Variants in FAM178B observed in about 807,000 individuals in gnomAD.
The protein encoded by FAM178B is protein FAM178B.
FAM178B carries 82 observed loss-of-function variants against 91.7 expected under a neutral mutation model. The observed-to-expected ratio is 0.89, with a 90% CI of 0.75 to 1.07. The LOEUF (loss-of-function observed/expected upper bound fraction) is 1.07, where lower values mean the gene tolerates loss of function less well. Ranked by LOEUF, FAM178B falls within the 50% of genes least tolerant of loss-of-function variation. FAM178B has a pLI of 0.00. For missense variants in FAM178B, 769 were observed against 846.7 expected, an observed-to-expected ratio of 0.91 and a Z score of 1.14; for synonymous variants, 368 against 359.4, an observed-to-expected ratio of 1.02 and a Z score of -0.27.
intron 13 of FAM178B, among the ~76,000 whole-genome samples, chr2:96,902,109 AT>A (rs373394292): frequency 0.16 from 21,855 of 138,240 alleles, 5,354 homozygotes; most frequent in African/African-American, 0.53. Context: ...TTTTACTACA[AT>A]TTTTTTTTTT....
chr2:96,898,170 C>T, intron 13 of FAM178B: 1 of 964,982 alleles, frequency 1.0e-6, no homozygotes, highest in Non-Finnish European at 1.2e-6. Context: ...AGGATTTCTC[C>T]AGCACTTGTG....
At chr2:96,955,205 AAT>A (rs2081981652) in intron 6 of FAM178B, among the ~76,000 whole-genome samples, 1 of 152,188 alleles carries the variant, frequency 6.6e-6, no homozygotes, top group Middle Eastern at 3.2e-3. Flanking sequence ...GTCTCTACTA[AAT>A]ATACAAAAAT....
intron 8 of FAM178B, 84 bp from the exon 9 acceptor site, chr2:96,929,404 C>A (rs2153371611): frequency 1.0e-6 from 1 of 986,332 alleles, no homozygotes; most frequent in Admixed American, 2.5e-5. Context: ...CTGGCCGTGA[C>A]CCCTGGCCCA....
chr2:96,951,324 C>T (rs919424634), intron 7 of FAM178B, 55 bp downstream of exon 7: 23 of 1,324,938 alleles, frequency 1.7e-5, no homozygotes, highest in East Asian at 1.5e-4. Flanking sequence ...GTGGGCCTGC[C>T]GGGCCACCAG....
chr2:96,897,287 TAC>T (rs1454366180), intron 13 of FAM178B, among the ~76,000 whole-genome samples: 1 of 151,838 alleles, frequency 6.6e-6, no homozygotes, highest in African/African-American at 2.4e-5. Context: ...TGGCACATGG[TAC>T]ATGTCTAGTA....
intron 12 of FAM178B, among the ~76,000 whole-genome samples, chr2:96,904,895 C>G (rs1489150398): frequency 2.6e-5 from 4 of 152,032 alleles, no homozygotes; most frequent in Non-Finnish European, 5.9e-5. Context: ...TCCCAAGTAG[C>G]TGGGATTACA....
chr2:96,941,251 T>A (rs2081725061), intron 8 of FAM178B, among the ~76,000 whole-genome samples: 1 of 152,192 alleles, frequency 6.6e-6, no homozygotes, highest in African/African-American at 2.4e-5. Flanking sequence ...TTATTTAAAT[T>A]TGCTAAACTT....
chr2:96,886,532 C>A (rs921420438), intron 14 of FAM178B, among the ~76,000 whole-genome samples: 1 of 152,152 alleles, frequency 6.6e-6, no homozygotes, highest in East Asian at 1.9e-4. Flanking sequence ...GGCCAGAGCC[C>A]GGAGGAGGAG....
intron 12 of FAM178B, among the ~76,000 whole-genome samples, chr2:96,915,370 G>A (rs886549757): frequency 3.3e-5 from 5 of 149,420 alleles, no homozygotes; most frequent in Non-Finnish European, 5.9e-5. Flanking sequence ...CACCCACCTC[G>A]GCCTCCCAAA....
intron 6 of FAM178B, among the ~76,000 whole-genome samples, chr2:96,959,345 T>TA (rs2082048210): frequency 6.6e-6 from 1 of 152,136 alleles, no homozygotes; most frequent in African/African-American, 2.4e-5. Flanking sequence ...TGGTTCTCTA[T>TA]ACTTTGATAT....
chr2:96,939,607 G>A (rs924269999), intron 8 of FAM178B, among the ~76,000 whole-genome samples: 13 of 152,174 alleles, frequency 8.5e-5, no homozygotes, highest in African/African-American at 2.9e-4. Flanking sequence ...ACATGCAAAG[G>A]CCCTGTGGCA....
At chr2:96,917,462 T>A (rs188181599) in intron 12 of FAM178B, among the ~76,000 whole-genome samples, 9 of 152,326 alleles carry the variant, frequency 5.9e-5, no homozygotes, top group Admixed American at 5.9e-4. Flanking sequence ...CACTGATTCA[T>A]GAAATCACAG....
chr2:96,958,349 C>G (rs1054601035), intron 6 of FAM178B, among the ~76,000 whole-genome samples: 3 of 152,018 alleles, frequency 2.0e-5, no homozygotes, highest in Non-Finnish European at 4.4e-5. Context: ...GGGTTACAGG[C>G]GTGAGCCACC....
chr2:96,889,976 T>TA (rs11457991), intron 14 of FAM178B, among the ~76,000 whole-genome samples: 139,616 of 141,488 alleles, frequency 0.99, 68,886 homozygotes, highest in South Asian at 0.99. Flanking sequence ...CCATCTTTAT[T>TA]AAAAAAAAAA....
chr2:96,966,743 T>G (rs1483355315), intron 5 of FAM178B, among the ~76,000 whole-genome samples: 1 of 152,108 alleles, frequency 6.6e-6, no homozygotes, highest in Non-Finnish European at 1.5e-5. Flanking sequence ...TGATGAGGCA[T>G]GAGGGTGGAG....
rs768138070 is a variant in FAM178B at position 96,986,278 on chromosome 2, T to C, written c.36A>G (p.Pro12=). The C allele has an allele frequency of 1.3e-6, 2 of 1,534,388 alleles. No individual in the cohort carries two copies. Among genetic ancestry groups the C allele is most frequent in the South Asian group, 1.2e-5 (1 of 83,978 alleles). Residue 12 remains proline, a synonymous_variant, in exon 1 of 17, where the codon CCA becomes CCG. Coordinates refer to ENST00000490605, the MANE Select transcript of FAM178B (RefSeq NM_001122646.3). ...GCCGCTGATCCTGCCTCCTGAGTTG[T>C]GGAGCGAGGCCCGCACCTGGAAGCC... ...WPRLPGAGLA[P]QLRRQDQRLH...
intron 14 of FAM178B, among the ~76,000 whole-genome samples, chr2:96,882,665 G>A (rs528998142): frequency 2.0e-4 from 31 of 152,350 alleles, no homozygotes; most frequent in African/African-American, 7.0e-4. Flanking sequence ...GCACAAGGTG[G>A]CCCTTCTATA....
intron 1 of FAM178B, among the ~76,000 whole-genome samples, chr2:96,979,492 G>A (rs1435942734): frequency 6.6e-6 from 1 of 152,118 alleles, no homozygotes; most frequent in African/African-American, 2.4e-5. Flanking sequence ...ATGAGCCACT[G>A]CACCCATCCT....
chr2:96,876,420 A>G, intron 16 of FAM178B, 112 bp from the exon 17 acceptor site: 3 of 1,351,894 alleles, frequency 2.2e-6, no homozygotes, highest in South Asian at 2.6e-5. Context: ...GGCTCATGCC[A>G]GGGGCCGAGT....
Sources: allele counts gnomAD v4.1 joint callset (sites outside exome capture counted in the v4.1 genomes callset), GRCh38; gene constraint gnomAD v4.1.1; transcripts MANE v1.5; gene names NCBI Gene and HGNC (gene_info 2026-07-23, HGNC 2026-07-21).